WNK3: variants seen among roughly 807,000 people sequenced by gnomAD.
WNK3 encodes serine/threonine-protein kinase WNK3.
A neutral mutation model predicts 116.7 loss-of-function variants in WNK3; 18 were observed. That is an observed-to-expected ratio of 0.15 (90% CI 0.11 to 0.23). The LOEUF (loss-of-function observed/expected upper bound fraction) is 0.23. Among genes scored for constraint, WNK3 ranks in the 10% least tolerant of loss-of-function variants. The pLI, the probability that WNK3 is intolerant of heterozygous loss-of-function variation, is 1.00. For missense variants in WNK3, 993 were observed against 1,323.8 expected, an observed-to-expected ratio of 0.75 and a Z score of 3.88; for synonymous variants, 404 against 469.4, an observed-to-expected ratio of 0.86 and a Z score of 1.80.
intron 5 of WNK3, among the ~76,000 whole-genome samples, chrX:54,302,731 CTATATA>C (rs1211893014): frequency 2.8e-5 from 1 of 35,542 alleles, no homozygotes; most frequent in Admixed American, 3.9e-4. Flanking sequence ...CTCTCTCTCT[CTATATA>C]TATATATATA....
At chrX:54,338,761 G>A (rs2069278156) in intron 1 of WNK3, among the ~76,000 whole-genome samples, 1 of 109,575 alleles carries the variant, frequency 9.1e-6, no homozygotes, top group African/African-American at 3.3e-5. Context: ...CAGCACTTTG[G>A]GAGGCTGAGG....
intron 2 of WNK3, among the ~76,000 whole-genome samples, chrX:54,331,928 C>G (rs1557174305): frequency 8.9e-6 from 1 of 111,793 alleles, no homozygotes; most frequent in Admixed American, 9.6e-5. Context: ...TGTTTTCATA[C>G]ATATACACCT....
At chrX:54,271,727 C>T (rs531327086) in intron 10 of WNK3, among the ~76,000 whole-genome samples, 3 of 111,776 alleles carry the variant, frequency 2.7e-5, no homozygotes, top group Admixed American at 9.5e-5. Context: ...CATGGTAATC[C>T]GCAAATAATC....
intron 2 of WNK3, among the ~76,000 whole-genome samples, chrX:54,311,625 G>A (rs1422333761): frequency 4.5e-5 from 5 of 111,990 alleles, no homozygotes; most frequent in Non-Finnish European, 9.4e-5. Context: ...AAATCCCTGA[G>A]TTTCCATATC....
At chrX:54,200,036 G>C (rs1373946464) in intron 23 of WNK3, among the ~76,000 whole-genome samples, 1 of 111,687 alleles carries the variant, frequency 9.0e-6, no homozygotes, top group Non-Finnish European at 1.9e-5. Context: ...TTTCCGCATG[G>C]AATCATTTCC....
chrX:54,229,403 G>T (rs1035066608), intron 21 of WNK3, among the ~76,000 whole-genome samples: 2 of 109,105 alleles, frequency 1.8e-5, no homozygotes, highest in Admixed American at 2.0e-4. Context: ...TTATTGATTG[G>T]AAGACTCAGC....
chrX:54,249,895 T>G, intron 16 of WNK3, 99 bp downstream of exon 16: 1 of 1,005,459 alleles, frequency 9.9e-7, no homozygotes, highest in Non-Finnish European at 1.3e-6. Flanking sequence ...AAAATTCTCA[T>G]AAGCATAAAA....
At chrX:54,269,179 C>T (rs2068350985) in intron 10 of WNK3, among the ~76,000 whole-genome samples, 1 of 110,959 alleles carries the variant, frequency 9.0e-6, no homozygotes, top group African/African-American at 3.3e-5. Flanking sequence ...AAACAACTGG[C>T]CTCTGCATTG....
chrX:54,197,810 A>G (rs2067459662), exon 24 of WNK3: 1 of 110,841 alleles, frequency 9.0e-6, no homozygotes, highest in Non-Finnish European at 1.9e-5. Flanking sequence ...TGAAAGGTAA[A>G]CCTAAGACAA....
chrX:54,302,758 T>TATATATGTATATATA (rs1491572190), intron 5 of WNK3, among the ~76,000 whole-genome samples: 1 of 27,053 alleles, frequency 3.7e-5, no homozygotes, highest in Non-Finnish European at 5.8e-5. Flanking sequence ...TATATATATA[T>TATATATGTATATATA]TTTTTTTTTT....
At chrX:54,218,319 T>C (rs1230448394) in intron 22 of WNK3, among the ~76,000 whole-genome samples, 3 of 110,733 alleles carry the variant, frequency 2.7e-5, no homozygotes, top group Non-Finnish European at 5.7e-5. Flanking sequence ...ACAAACTGTA[T>C]ATCCAAACTT....
intron 1 of WNK3, among the ~76,000 whole-genome samples, chrX:54,342,549 A>G (rs2069342531): frequency 9.1e-6 from 1 of 110,004 alleles, no homozygotes; most frequent in Non-Finnish European, 1.9e-5. Context: ...CTGGGTGACA[A>G]GAGTGAAATC....
chrX:54,351,407 G>A (rs1388059114), intron 1 of WNK3, among the ~76,000 whole-genome samples: 5 of 109,939 alleles, frequency 4.5e-5, no homozygotes, highest in African/African-American at 1.3e-4. Context: ...GTTAAAAGGC[G>A]TTTTAATCTA....
chrX:54,210,500 G>C (rs375856611), intron 22 of WNK3, among the ~76,000 whole-genome samples: 1 of 111,074 alleles, frequency 9.0e-6, no homozygotes, highest in Admixed American at 9.7e-5. Flanking sequence ...AGTGGCACAC[G>C]CCTATAGTCC....
At chrX:54,257,119 C>A (rs1401338532) in intron 11 of WNK3, among the ~76,000 whole-genome samples, 1 of 111,653 alleles carries the variant, frequency 9.0e-6, no homozygotes, top group Non-Finnish European at 1.9e-5. Context: ...TTCCAATTAT[C>A]CACCCAGTGA....
chrX:54,267,834 A>G (rs1372118685), intron 10 of WNK3, among the ~76,000 whole-genome samples: 4 of 110,510 alleles, frequency 3.6e-5, no homozygotes, highest in Non-Finnish European at 7.6e-5. Flanking sequence ...CCATAGCCAT[A>G]TGGCTTGAGT....
chrX:54,321,850 C>T (rs1557172340), intron 2 of WNK3, among the ~76,000 whole-genome samples: 1 of 108,873 alleles, frequency 9.2e-6, no homozygotes, highest in East Asian at 2.9e-4. Context: ...ATCCCAGCTA[C>T]TCGAGAGGCT....
At chrX:54,225,809 T>C (rs2146817911) in intron 22 of WNK3, among the ~76,000 whole-genome samples, 1 of 109,439 alleles carries the variant, frequency 9.1e-6, no homozygotes, top group Non-Finnish European at 1.9e-5. Flanking sequence ...AAAATTTACA[T>C]GAAAATTCAA....
At chrX:54,200,357 G>A (rs2067489530) in intron 23 of WNK3, among the ~76,000 whole-genome samples, 1 of 111,345 alleles carries the variant, frequency 9.0e-6, no homozygotes, top group African/African-American at 3.3e-5. Context: ...TCTGAGTAAG[G>A]ATACAGAGCA....
Sources: allele counts gnomAD v4.1 joint callset (sites outside exome capture counted in the v4.1 genomes callset), GRCh38; gene constraint gnomAD v4.1.1; transcripts MANE v1.5; gene names NCBI Gene and HGNC (gene_info 2026-07-23, HGNC 2026-07-21).